Variants in SPTLC3 observed in about 807,000 individuals in gnomAD.
The protein encoded by SPTLC3 is serine palmitoyltransferase 3.
SPTLC3 carries 36 observed loss-of-function variants against 59.3 expected under a neutral mutation model. That is an observed-to-expected ratio of 0.61 (90% CI 0.47 to 0.80). The LOEUF is 0.80. SPTLC3 is among the 30% of genes least tolerant of loss of function. SPTLC3 has a pLI of 0.00. For missense variants in SPTLC3, 625 were observed against 685.1 expected (o/e 0.91, Z 0.98); for synonymous variants, 257 against 240.8 (o/e 1.07, Z -0.62).
chr20:13,039,754 T>A (rs1986891843), intron 1 of SPTLC3, among the ~76,000 whole-genome samples: 1 of 152,116 alleles, frequency 6.6e-6, no homozygotes, highest in Admixed American at 6.5e-5. Context: ...TTTTCATTAT[T>A]TTAATAATTT....
Position 13,087,421 on chromosome 20 carries a change from C to G in SPTLC3, c.608-3662C>G, listed in dbSNP as rs149918534. ...ATATCAAGTTGGCAAAGTGTGGGCA[C>G]CCTGTGTCTTTACTAGAAGACTTCT... On this transcript the variant is annotated intron_variant, in intron 4 of 11. Transcript: ENST00000399002. Among the ~76,000 whole-genome samples, 570 of 152,294 alleles carry G rather than the reference C, an allele frequency of 3.7e-3. 3 individuals are homozygous for G. The highest frequency in any genetic ancestry group is 0.013 in the African/African-American group (550 of 41,566).
intron 3 of SPTLC3, 136 bp from the exon 4 acceptor site, chr20:13,074,213 A>G: frequency 8.8e-7 from 1 of 1,137,476 alleles, no homozygotes; most frequent in Non-Finnish European, 1.3e-6. Flanking sequence ...TCCACCTCAC[A>G]GATCTGAGCT....
At chr20:13,156,409 C>T (rs2038769821) in intron 10 of SPTLC3, among the ~76,000 whole-genome samples, 2 of 152,106 alleles carry the variant, frequency 1.3e-5, no homozygotes, top group South Asian at 4.1e-4. Flanking sequence ...GAACGATATG[C>T]TTCATATAAA....
intron 2 of SPTLC3, among the ~76,000 whole-genome samples, chr20:13,067,578 T>G (rs1231166240): frequency 6.6e-6 from 1 of 152,166 alleles, no homozygotes; most frequent in Non-Finnish European, 1.5e-5. Context: ...TTTTTTATTG[T>G]TTTTCCATGG....
intron 4 of SPTLC3, among the ~76,000 whole-genome samples, chr20:13,079,041 C>T (rs1014168324): frequency 6.6e-6 from 1 of 151,796 alleles, no homozygotes; most frequent in Non-Finnish European, 1.5e-5. Context: ...ATGGCAAACA[C>T]CTAGGGAATA....
intron 2 of SPTLC3, among the ~76,000 whole-genome samples, chr20:13,052,677 T>A (rs1987545726): frequency 6.6e-6 from 1 of 152,106 alleles, no homozygotes. Flanking sequence ...CAGTCTGAAG[T>A]CAACCTGGGA....
At chr20:13,109,150 T>G (rs1355166321) in intron 6 of SPTLC3, among the ~76,000 whole-genome samples, 1 of 152,196 alleles carries the variant, frequency 6.6e-6, no homozygotes, top group African/African-American at 2.4e-5. Context: ...AAATGACCTC[T>G]CAACCCAAGC....
chr20:13,029,751 T>A (rs146179784), intron 1 of SPTLC3, among the ~76,000 whole-genome samples: 91 of 152,294 alleles, frequency 6.0e-4, no homozygotes, highest in African/African-American at 2.0e-3. Flanking sequence ...TTCAACTAAG[T>A]GTAATCTGTA....
At chr20:13,025,977 T>C (rs1279573354) in intron 1 of SPTLC3, among the ~76,000 whole-genome samples, 1 of 152,128 alleles carries the variant, frequency 6.6e-6, no homozygotes, top group South Asian at 2.1e-4. Flanking sequence ...GAACATATGG[T>C]ATTTGGTTTT....
intron 5 of SPTLC3, among the ~76,000 whole-genome samples, chr20:13,091,671 T>C (rs1453597350): frequency 6.6e-6 from 1 of 152,142 alleles, no homozygotes; most frequent in African/African-American, 2.4e-5. Context: ...TATGCCAGCT[T>C]AGTCCAGCAA....
intron 6 of SPTLC3, among the ~76,000 whole-genome samples, chr20:13,099,584 A>G (rs2122649447): frequency 6.6e-6 from 1 of 152,338 alleles, no homozygotes; most frequent in Middle Eastern, 3.4e-3. Context: ...TTGTATTTAC[A>G]TCACAAAAAC....
At chr20:13,161,693 G>T (rs961644791) in intron 11 of SPTLC3, among the ~76,000 whole-genome samples, 1 of 152,148 alleles carries the variant, frequency 6.6e-6, no homozygotes, top group African/African-American at 2.4e-5. Context: ...AGAAACTATT[G>T]GATTAGCAAT....
intron 6 of SPTLC3, among the ~76,000 whole-genome samples, chr20:13,098,556 C>T (rs1390842731): frequency 1.3e-5 from 2 of 152,108 alleles, no homozygotes; most frequent in African/African-American, 4.8e-5. Flanking sequence ...TTTTATCTCC[C>T]AATTTTACAA....
intron 9 of SPTLC3, among the ~76,000 whole-genome samples, chr20:13,135,730 A>T (rs924652975): frequency 6.6e-6 from 1 of 152,252 alleles, no homozygotes; most frequent in African/African-American, 2.4e-5. Flanking sequence ...GATTCTAGCT[A>T]TATGAACAGG....
intron 1 of SPTLC3, among the ~76,000 whole-genome samples, chr20:13,038,339 C>G (rs1346190379): frequency 6.6e-6 from 1 of 152,072 alleles, no homozygotes; most frequent in Non-Finnish European, 1.5e-5. Context: ...TGGGAAGTTT[C>G]AAATTATTAA....
intron 8 of SPTLC3, among the ~76,000 whole-genome samples, chr20:13,121,913 C>T (rs1023102569): frequency 6.6e-6 from 1 of 152,170 alleles, no homozygotes; most frequent in African/African-American, 2.4e-5. Flanking sequence ...GGCTCATGAC[C>T]TTGACTTTAA....
intron 4 of SPTLC3, among the ~76,000 whole-genome samples, chr20:13,076,845 G>A (rs552594155): frequency 1.2e-3 from 176 of 152,262 alleles, no homozygotes; most frequent in Admixed American, 1.9e-3. Context: ...GTCAGTAGAA[G>A]GAGCAGCAAA....
At chr20:13,069,624 C>T (rs1400533583) in intron 2 of SPTLC3, among the ~76,000 whole-genome samples, 13 of 152,158 alleles carry the variant, frequency 8.5e-5, no homozygotes, top group Admixed American at 8.5e-4. Context: ...ACCCGCTGCT[C>T]ACCTCCTGCT....
chr20:13,045,284 G>A (rs187986756), intron 1 of SPTLC3, among the ~76,000 whole-genome samples: 4 of 152,144 alleles, frequency 2.6e-5, no homozygotes, highest in Non-Finnish European at 4.4e-5. Context: ...GTGGCTCAGG[G>A]TCTGTTTATT....
Sources: gnomAD v4.1 joint callset for allele counts (sites outside exome capture counted in the v4.1 genomes callset) on GRCh38, gnomAD v4.1.1 for gene constraint, MANE v1.5 for transcripts, NCBI Gene and HGNC (gene_info 2026-07-23, HGNC 2026-07-21) for gene names.